Variants in ITPR1 observed in about 807,000 individuals in gnomAD.
ITPR1 encodes inositol 1,4,5-trisphosphate-gated calcium channel ITPR1.
Under a neutral mutation model 318.4 loss-of-function variants are expected in ITPR1, and 96 were observed. The ratio of observed to expected loss-of-function variants is 0.30; its 90% CI spans 0.26 to 0.36. The LOEUF (loss-of-function observed/expected upper bound fraction) is 0.36, where lower values mean the gene tolerates loss of function less well. Ranked by LOEUF, ITPR1 falls within the 10% of genes least tolerant of loss-of-function variation. The pLI is 1.00. For missense variants in ITPR1, 2,440 were observed against 3,460.2 expected (o/e 0.71, Z 7.40); for synonymous variants, 1,312 against 1,289.9 (o/e 1.02, Z -0.37).
intron 4 of ITPR1, among the ~76,000 whole-genome samples, chr3:4,576,796 A>G (rs976834613): frequency 3.9e-5 from 6 of 152,202 alleles, no homozygotes; most frequent in Admixed American, 2.6e-4. Flanking sequence ...CATACCTTAA[A>G]GGTTATTTTC....
Position 4,782,760 on chromosome 3 carries a change from C to T in ITPR1, c.6510+19C>T. ...CCATCAGGTATGATCTCTCCTGTGC[C>T]TCCTCTGGATGCTGCCTCCCTACAG... On this transcript the variant is annotated intron_variant, in intron 50 of 61. Transcript: ENST00000649015. The T allele has an allele frequency of 6.9e-7, 1 of 1,455,802 alleles. No individual in the cohort carries two copies. Among genetic ancestry groups the T allele is most frequent in the Non-Finnish European group, 9.1e-7 (1 of 1,097,454 alleles). 90.2% of individuals were successfully genotyped at this position (1,455,802 alleles called of 1,614,324 possible).
At chr3:4,828,415 G>T (rs1338024199) in intron 60 of ITPR1, among the ~76,000 whole-genome samples, 2 of 152,206 alleles carry the variant, frequency 1.3e-5, no homozygotes. Flanking sequence ...GTGGGGAGAA[G>T]GGTGAGTGAG....
Position 4,735,366 on chromosome 3 carries a change from G to T in ITPR1, c.5544+12G>T. 1 of 1,609,948 alleles carries T rather than the reference G, an allele frequency of 6.2e-7. No individual in the cohort carries two copies. The highest frequency in any genetic ancestry group is 8.5e-7 in the Non-Finnish European group (1 of 1,176,474). On this transcript the variant is annotated intron_variant, in intron 44 of 61. Coordinates refer to ENST00000649015, the MANE Select transcript of ITPR1 (RefSeq NM_001378452.1). Reference sequence around the variant, plus strand: ...ACACCACCATCCAGGTAGGAAGGCAGCTTGGCTACTGGTATGGCATCCCTG... The same window carrying T: ...ACACCACCATCCAGGTAGGAAGGCATCTTGGCTACTGGTATGGCATCCCTG...
chr3:4,513,711 A>C (rs146489922), intron 2 of ITPR1, among the ~76,000 whole-genome samples: 2 of 152,312 alleles, frequency 1.3e-5, no homozygotes, highest in African/African-American at 4.8e-5. Context: ...AGTTCTCCAT[A>C]ATCATCCGGA....
intron 59 of ITPR1, among the ~76,000 whole-genome samples, chr3:4,815,985 TACAC>T (rs10607666): frequency 0.33 from 49,384 of 149,470 alleles, 8,295 homozygotes; most frequent in East Asian, 0.43. Context: ...ATTTGCTTTA[TACAC>T]ACACACACAC....
chr3:4,496,749 C>T (rs1454061582), intron 2 of ITPR1, among the ~76,000 whole-genome samples: 1 of 152,200 alleles, frequency 6.6e-6, no homozygotes, highest in Non-Finnish European at 1.5e-5. Flanking sequence ...AACCAACTGA[C>T]TTCCAGAGGG....
rs78663698 is a variant in ITPR1, at chr3:4,677,162, A to G, written c.2967+361A>G. 1.5e-3 allele frequency among the ~76,000 whole-genome samples: 229 copies of G among 152,288 alleles called. 3 individuals are homozygous for G. The East Asian group carries it at 0.021, about 14-fold the overall frequency. On this transcript the variant is annotated intron_variant, in intron 24 of 61. Coordinates refer to ENST00000649015, the MANE Select transcript of ITPR1 (RefSeq NM_001378452.1). ...AGGTTCAGGGTTCCATCAACTTTGC[A>G]AAGCCTTCCTCCCTTCTTCCCTTTT...
At chr3:4,675,300 T>A in intron 23 of ITPR1, 52 bp downstream of exon 23, 1 of 1,346,090 alleles carries the variant, frequency 7.4e-7, no homozygotes, top group Non-Finnish European at 1.0e-6. Context: ...CAGCCTTTCC[T>A]GTTATGCTCA....
intron 60 of ITPR1, among the ~76,000 whole-genome samples, chr3:4,822,536 A>C (rs182482607): frequency 1.3e-5 from 2 of 152,250 alleles, no homozygotes; most frequent in Non-Finnish European, 2.9e-5. Flanking sequence ...TGTGAGTTCT[A>C]TCCATGTCTT....
intron 4 of ITPR1, among the ~76,000 whole-genome samples, chr3:4,551,523 T>G (rs754378746): frequency 8.5e-5 from 13 of 152,228 alleles, no homozygotes; most frequent in Non-Finnish European, 1.5e-4. Context: ...ATTCCATGTT[T>G]TAATTATAAA....
intron 54 of ITPR1, among the ~76,000 whole-genome samples, chr3:4,805,554 A>T (rs139674011): frequency 6.6e-6 from 1 of 152,304 alleles, no homozygotes; most frequent in African/African-American, 2.4e-5. Context: ...AGGGCAGGGG[A>T]ATAGAACTCA....
chr3:4,610,702 C>T (rs1000229369), intron 4 of ITPR1, among the ~76,000 whole-genome samples: 1 of 152,166 alleles, frequency 6.6e-6, no homozygotes, highest in Non-Finnish European at 1.5e-5. Flanking sequence ...CTGTTTGTTA[C>T]TCACAGATCT....
intron 4 of ITPR1, among the ~76,000 whole-genome samples, chr3:4,619,908 T>C (rs1035146340): frequency 1.4e-4 from 21 of 151,578 alleles, no homozygotes; most frequent in Admixed American, 6.6e-4. Flanking sequence ...TTCTACTTTC[T>C]GTAGTACATT....
chr3:4,554,759 G>A (rs1461816714), intron 4 of ITPR1, among the ~76,000 whole-genome samples: 2 of 152,126 alleles, frequency 1.3e-5, no homozygotes, highest in Non-Finnish European at 2.9e-5. Flanking sequence ...ATGACAACCT[G>A]CCCCTGATTT....
At chr3:4,777,758 A>G (rs1172381003) in intron 48 of ITPR1, among the ~76,000 whole-genome samples, 1 of 151,614 alleles carries the variant, frequency 6.6e-6, no homozygotes, top group African/African-American at 2.4e-5. Flanking sequence ...GGGCCGGTTG[A>G]AGAATAGTAC....
At chr3:4,631,017 A>G (rs1428247705) in intron 5 of ITPR1, among the ~76,000 whole-genome samples, 1 of 152,212 alleles carries the variant, frequency 6.6e-6, no homozygotes, top group Non-Finnish European at 1.5e-5. Context: ...TTCTTTTGCA[A>G]GTTTAACTTC....
At chr3:4,832,751 T>C (rs764437561) in intron 60 of ITPR1, among the ~76,000 whole-genome samples, 3 of 152,272 alleles carry the variant, frequency 2.0e-5, no homozygotes, top group Non-Finnish European at 4.4e-5. Flanking sequence ...AAAGATGCAT[T>C]ATTTCTTTTT....
chr3:4,752,705 A>G (rs1202406400), intron 44 of ITPR1, among the ~76,000 whole-genome samples: 1 of 152,222 alleles, frequency 6.6e-6, no homozygotes, highest in East Asian at 1.9e-4. Flanking sequence ...TACTGTGTTG[A>G]CCAAGCTGGC....
intron 13 of ITPR1, among the ~76,000 whole-genome samples, 192 bp from the exon 14 acceptor site, chr3:4,660,796 A>G (rs950796067): frequency 3.3e-5 from 5 of 152,224 alleles, no homozygotes; most frequent in African/African-American, 4.8e-5. Context: ...GTCGTTATGA[A>G]TGATTTTCTA....
Sources: allele counts gnomAD v4.1 joint callset (sites outside exome capture counted in the v4.1 genomes callset), GRCh38; gene constraint gnomAD v4.1.1; transcripts MANE v1.5; gene names NCBI Gene and HGNC (gene_info 2026-07-23, HGNC 2026-07-21).